Variants in HTT observed in about 807,000 individuals in gnomAD.
HTT encodes the protein huntington disease protein.
A neutral mutation model predicts 362.3 loss-of-function variants in HTT; 104 were observed. That is an observed-to-expected ratio of 0.29 (90% CI 0.24 to 0.34). The LOEUF (loss-of-function observed/expected upper bound fraction) is 0.34. Among genes scored for constraint, HTT ranks in the 10% least tolerant of loss-of-function variants. The pLI is 1.00. For synonymous variants in HTT, 1,577 were observed against 1,548.7 expected (o/e 1.02, Z -0.43); for missense variants, 3,301 against 3,928.6 (o/e 0.84, Z 4.27).
At chr4:3,085,933 A>G (rs28670335) in intron 1 of HTT, among the ~76,000 whole-genome samples, 2,977 of 152,278 alleles carry the variant, frequency 0.02, 56 homozygotes, top group Middle Eastern at 0.037. Flanking sequence ...CTTGGCTGAG[A>G]AGTCTTAATA....
chr4:3,092,085 C>T (rs781181282), intron 2 of HTT, among the ~76,000 whole-genome samples: 3 of 152,126 alleles, frequency 2.0e-5, no homozygotes, highest in Non-Finnish European at 2.9e-5. Context: ...TGCAATGGTG[C>T]GATCTCGGCT....
chr4:3,183,734 T>G (rs1718631093), intron 37 of HTT, among the ~76,000 whole-genome samples: 1 of 152,198 alleles, frequency 6.6e-6, no homozygotes, highest in African/African-American at 2.4e-5. Flanking sequence ...ATCCCATTCT[T>G]TTCTGTGCGT....
At chr4:3,174,048 G>T (rs1455558548) in intron 31 of HTT, among the ~76,000 whole-genome samples, 1 of 152,150 alleles carries the variant, frequency 6.6e-6, no homozygotes, top group Non-Finnish European at 1.5e-5. Context: ...GTATGAACAG[G>T]TATTTGAGTT....
intron 30 of HTT, 93 bp from the exon 31 acceptor site, chr4:3,172,815 C>T: frequency 2.3e-6 from 2 of 876,614 alleles, no homozygotes; most frequent in South Asian, 1.4e-5. Context: ...CTAACATATC[C>T]AGTTATTTAC....
At chr4:3,118,724 G>A (rs1293559234) in intron 8 of HTT, among the ~76,000 whole-genome samples, 1 of 151,764 alleles carries the variant, frequency 6.6e-6, no homozygotes, top group Non-Finnish European at 1.5e-5. Context: ...AGAGGGTGAA[G>A]GGGAAAAAAG....
At chr4:3,225,525 G>A in intron 56 of HTT, 136 bp from the exon 57 acceptor site, 1 of 672,686 alleles carries the variant, frequency 1.5e-6, no homozygotes, top group Non-Finnish European at 2.6e-6. Flanking sequence ...CACAACCTGG[G>A]CCCTCCTGCC....
intron 24 of HTT, among the ~76,000 whole-genome samples, chr4:3,145,443 G>A (rs1475100512): frequency 6.6e-6 from 1 of 152,162 alleles, no homozygotes; most frequent in African/African-American, 2.4e-5. Flanking sequence ...AGGCATTGAT[G>A]GGAATTTCAG....
chr4:3,124,470 G>C (rs556134153), intron 10 of HTT, among the ~76,000 whole-genome samples: 2 of 152,296 alleles, frequency 1.3e-5, no homozygotes, highest in East Asian at 3.9e-4. Context: ...AGGTAGAGTT[G>C]TGTTGGATAT....
chr4:3,200,694 A>G (rs1370806973), intron 41 of HTT, among the ~76,000 whole-genome samples: 3 of 152,208 alleles, frequency 2.0e-5, no homozygotes, highest in Non-Finnish European at 4.4e-5. Context: ...GGGCCAGTTC[A>G]TGGCACTCAG....
chr4:3,120,265 A>AAGTAT (rs1367111785), intron 8 of HTT, among the ~76,000 whole-genome samples: 46 of 152,338 alleles, frequency 3.0e-4, no homozygotes, highest in Admixed American at 7.8e-4. Context: ...TTTATGGTGT[A>AAGTAT]AGTATATTCC....
At position 3,131,652 on chromosome 4, in the gene HTT, A is replaced by G. The variant is rs775817515; in HGVS notation, c.2113A>G (p.Arg705Gly). The G allele has an allele frequency of 3.2e-5, 52 of 1,613,346 alleles. No homozygotes were observed. The highest frequency in any genetic ancestry group is 3.9e-5 in the Non-Finnish European group (46 of 1,179,794). Residue 705 changes from arginine to glycine, a missense_variant, in exon 16 of 67, where the codon AGG becomes GGG. This residue lies in a region of HTT where 2,316 missense variants were observed against 2,658.5 expected (regional missense o/e 0.87). Coordinates refer to ENST00000355072, the MANE Select transcript of HTT (RefSeq NM_001388492.1). Reference sequence around the variant, plus strand: ...TTTCTTGGCAGTGCTGGTTCCGGACAGGGATGTGAGGGTCAGCGTGAAGGC... The same window carrying G: ...TTTCTTGGCAGTGCTGGTTCCGGACGGGGATGTGAGGGTCAGCGTGAAGGC... ...TGGKNVLVPDRDVRVSVKALA... is the reference protein window; with the variant it reads ...TGGKNVLVPDGDVRVSVKALA...
At chr4:3,202,580 C>G (rs1210993313) in intron 41 of HTT, among the ~76,000 whole-genome samples, 1 of 152,152 alleles carries the variant, frequency 6.6e-6, no homozygotes, top group East Asian at 1.9e-4. Context: ...CCCCCCTCCC[C>G]CAACCACATC....
intron 24 of HTT, among the ~76,000 whole-genome samples, chr4:3,145,523 T>C (rs1342990271): frequency 1.3e-5 from 2 of 152,190 alleles, no homozygotes; most frequent in African/African-American, 2.4e-5. Flanking sequence ...TTAGCTTGAC[T>C]CTTTCCAAAA....
In HTT at chr4:3,223,553, G is replaced by C; in HGVS notation, c.7618G>C (p.Asp2540His). 6.2e-7 allele frequency: 1 copy of C among 1,607,862 alleles called. No individual in the cohort carries two copies. The highest frequency in any genetic ancestry group is 8.5e-7 in the Non-Finnish European group (1 of 1,176,906). ...QPRNKPLKAL[D>H]TRFGRKLSII... ...CCGGAACAAGCCTCTGAAAGCTCTC[G>C]ACACCAGGTTTGCTTGAGTTCCCAC... The change falls in exon 55 of 67, where the codon GAC becomes CAC. Residue 2540 changes from aspartate (D) to histidine (H), a missense_variant. Around this residue, in one of 4 missense-constraint regions of HTT, gnomAD observed 753 missense variants for 1,021.3 expected, o/e 0.74. Coordinates refer to ENST00000355072, the MANE Select transcript of HTT (RefSeq NM_001388492.1).
intron 59 of HTT, 31 bp from the exon 60 acceptor site, chr4:3,229,856 C>G: frequency 3.7e-6 from 6 of 1,612,274 alleles, no homozygotes; most frequent in Non-Finnish European, 4.2e-6. Flanking sequence ...CGCGATTCTC[C>G]CCTTGCCCTC....
At chr4:3,115,594 G>A in intron 7 of HTT, 149 bp downstream of exon 7, 4 of 652,374 alleles carry the variant, frequency 6.1e-6, no homozygotes, top group Non-Finnish European at 5.2e-6. Context: ...GCTGCTGTGA[G>A]CCCGCATGGG....
At chr4:3,092,223 T>C (rs371626881) in intron 2 of HTT, among the ~76,000 whole-genome samples, 1 of 152,066 alleles carries the variant, frequency 6.6e-6, no homozygotes, top group African/African-American at 2.4e-5. Flanking sequence ...GGGGTTTCAC[T>C]GTGTTGGCCA....
chr4:3,129,972 C>T lies in HTT; in HGVS notation c.1792C>T (p.Pro598Ser), dbSNP rs778045518. Residue 598 changes from proline to serine, a missense_variant, in exon 13 of 67, where the codon CCC becomes TCC. By Grantham distance (74) the Pro-to-Ser change is moderately conservative. This residue lies in a region of HTT where 2,316 missense variants were observed against 2,658.5 expected (regional missense o/e 0.87). Coordinates refer to ENST00000355072, the MANE Select transcript of HTT (RefSeq NM_001388492.1). ...NQYLGLQIGQPQDEDEEATGI... is the reference protein window; with the variant it reads ...NQYLGLQIGQSQDEDEEATGI... ...GTATTTGGGCCTGCAGATTGGACAG[C>T]CCCAGGATGAAGATGAGGAAGCCAC... 22 of 1,613,678 alleles carry T rather than the reference C, an allele frequency of 1.4e-5. No homozygotes were observed. In the South Asian group the frequency reaches 2.4e-4, roughly 18 times the overall value.
rs1398573276 is a variant in HTT at position 3,223,853 on chromosome 4, AGGT to A, written c.7626-137_7626-135del. 3 of 832,212 alleles carry A rather than the reference AGGT, an allele frequency of 3.6e-6. No homozygotes were observed. The East Asian group carries it at 7.8e-5, about 22-fold the overall frequency. The allele number at this position is 832,212 out of a possible 1,614,324, so 51.6% of individuals were successfully genotyped here. ...AACACCCACTTAAGGGCTCACGGAC[AGGT>A]GCTCACTTAGGAAGTGAGTTTCATT... is the stretch of plus-strand genomic sequence containing the variant. On this transcript the variant is annotated intron_variant, in intron 55 of 66. Coordinates refer to ENST00000355072, the MANE Select transcript of HTT (RefSeq NM_001388492.1).
Sources: allele counts gnomAD v4.1 joint callset (sites outside exome capture counted in the v4.1 genomes callset), GRCh38; gene constraint gnomAD v4.1.1; regional missense constraint gnomAD v4.1.1; transcripts MANE v1.5; gene names NCBI Gene and HGNC (gene_info 2026-07-23, HGNC 2026-07-21).